The following FHAD1 variants were observed in gnomAD, a reference collection of about 807,000 sequenced individuals.
FHAD1 encodes forkhead-associated domain-containing protein 1.
In FHAD1, 146 loss-of-function variants were observed where a neutral mutation model predicts 191.3. The ratio of observed to expected loss-of-function variants is 0.76; its 90% CI spans 0.67 to 0.88. FHAD1 has a LOEUF of 0.88. Ranked by LOEUF, FHAD1 falls within the 40% of genes least tolerant of loss-of-function variation. The pLI is 0.00. For missense variants in FHAD1, 1,635 were observed against 1,785.8 expected (o/e 0.92, Z 1.52); for synonymous variants, 616 against 672.3 (o/e 0.92, Z 1.29).
At position 15,329,626 on chromosome 1, in the gene FHAD1, A is replaced by G; in HGVS notation, c.1906+85A>G. On this transcript the variant is annotated intron_variant, in intron 14 of 33. Coordinates refer to ENST00000688493, the MANE Select transcript of FHAD1 (RefSeq NM_001391957.1). The surrounding 1 kb of genome is among the most constrained non-coding windows in gnomAD (Gnocchi z 5.0). ...AGCATGATGGGACATCTGTTGAGGA[A>G]GTCTTCCTGGGTATCTGGCCAAGTC... 7.6e-7 allele frequency: 1 copy of G among 1,315,854 alleles called. No homozygotes were observed. Among genetic ancestry groups the G allele is most frequent in the Non-Finnish European group, 1.1e-6 (1 of 939,636 alleles). The allele number at this position is 1,315,854 out of a possible 1,614,324, so 81.5% of individuals were successfully genotyped here.
chr1:15,363,869 A>T (rs1472325822), intron 23 of FHAD1: 3 of 449,024 alleles, frequency 6.7e-6, no homozygotes, highest in Non-Finnish European at 1.3e-5. Flanking sequence ...AGGGATTCAG[A>T]AGCTCCCCCA....
At chr1:15,302,522 A>G (rs910563968) in intron 6 of FHAD1, among the ~76,000 whole-genome samples, 4 of 152,262 alleles carry the variant, frequency 2.6e-5, no homozygotes, top group Admixed American at 6.5e-5. Context: ...TCAGGAGATC[A>G]AGACCATCCT....
Position 15,360,342 on chromosome 1 carries a change from G to A in FHAD1, c.2737-136G>A, listed in dbSNP as rs1380739520. Reference sequence around the variant, plus strand: ...CAAGGAGCTGGGGAAGAAGTGCACAGGGCAGAGGGAACTGCATGTGCTAAG... The same window carrying A: ...CAAGGAGCTGGGGAAGAAGTGCACAAGGCAGAGGGAACTGCATGTGCTAAG... On this transcript the variant is annotated intron_variant, in intron 21 of 33. Transcript: ENST00000688493. The A allele has an allele frequency of 9.0e-5, 62 of 686,036 alleles. No homozygotes were observed. The South Asian group carries it at 1.1e-3, about 12-fold the overall frequency. The allele number at this position is 686,036 out of a possible 1,614,324, so 42.5% of individuals were successfully genotyped here. A position where few individuals can be genotyped will look rare whatever the true frequency, so the allele number is the denominator to read the frequency against.
At chr1:15,337,445 G>A (rs1684670741) in intron 14 of FHAD1, among the ~76,000 whole-genome samples, 1 of 152,178 alleles carries the variant, frequency 6.6e-6, no homozygotes, top group African/African-American at 2.4e-5. Context: ...CTGAATACCT[G>A]GGCGTCTCTC....
intron 18 of FHAD1, among the ~76,000 whole-genome samples, chr1:15,346,401 C>A (rs1035243869): frequency 6.6e-6 from 1 of 152,158 alleles, no homozygotes; most frequent in Non-Finnish European, 1.5e-5. Flanking sequence ...GAAGCCTTAC[C>A]GGGTAGCAGC....
In FHAD1 at chr1:15,323,786, A is replaced by G. The variant is rs114758356; in HGVS notation, c.1366-666A>G. On this transcript the variant is annotated intron_variant, in intron 10 of 33. Coordinates refer to ENST00000688493, the MANE Select transcript of FHAD1 (RefSeq NM_001391957.1). Reference sequence around the variant, plus strand: ...TGCCCATTACTCGAGCAAGCGGGGGAAAATGGGCAAGTTTCCCCACTTTAA... The same window carrying G: ...TGCCCATTACTCGAGCAAGCGGGGGGAAATGGGCAAGTTTCCCCACTTTAA... 5.9e-3 allele frequency among the ~76,000 whole-genome samples: 900 copies of G among 152,158 alleles called. 11 individuals are homozygous for G. The highest frequency in any genetic ancestry group is 0.021 in the African/African-American group (860 of 41,528).
At chr1:15,395,362 T>C (rs1705585595) in intron 33 of FHAD1, among the ~76,000 whole-genome samples, 1 of 149,998 alleles carries the variant, frequency 6.7e-6, no homozygotes, top group Non-Finnish European at 1.5e-5. Flanking sequence ...CCAGGCATCG[T>C]CTCTCTCGTG....
At chr1:15,384,916 G>A (rs1163809023) in intron 31 of FHAD1, among the ~76,000 whole-genome samples, 2 of 152,106 alleles carry the variant, frequency 1.3e-5, no homozygotes, top group African/African-American at 2.4e-5. Flanking sequence ...CAGTGTCACC[G>A]GGCTACTCAG....
intron 7 of FHAD1, among the ~76,000 whole-genome samples, chr1:15,309,833 G>T (rs529037177): frequency 6.6e-6 from 1 of 152,260 alleles, no homozygotes; most frequent in East Asian, 1.9e-4. Context: ...AGGTGGGAGG[G>T]GCTGTCGGGA....
intron 1 of FHAD1, among the ~76,000 whole-genome samples, chr1:15,250,304 A>T (rs563090820): frequency 6.6e-6 from 1 of 152,360 alleles, no homozygotes; most frequent in South Asian, 2.1e-4. Flanking sequence ...GAACTTTCTG[A>T]AGTCACTGAA....
At chr1:15,334,014 T>C (rs1682903716) in intron 14 of FHAD1, among the ~76,000 whole-genome samples, 1 of 151,942 alleles carries the variant, frequency 6.6e-6, no homozygotes, top group South Asian at 2.1e-4. Context: ...GTGTTTTTTG[T>C]AGAGACGCGG....
In FHAD1 at chr1:15,311,048, G is replaced by A. The variant is rs951343586; in HGVS notation, c.1040-2009G>A. ...CTATTGGCCCCAAGAAGCATGTGAC[G>A]ATGATCTGGGAGGGAGTGGAAACAA... On this transcript the variant is annotated intron_variant, in intron 7 of 33. Transcript: ENST00000688493. This position sits in a 1 kb window ranked among gnomAD's most constrained non-coding sequence, Gnocchi z 4.1. 2.0e-5 allele frequency among the ~76,000 whole-genome samples: 3 copies of A among 152,308 alleles called. No homozygotes were observed. Among genetic ancestry groups the A allele is most frequent in the South Asian group, 2.1e-4 (1 of 4,822 alleles).
In FHAD1 at chr1:15,327,223, G is replaced by A. The variant is rs1025490246; in HGVS notation, c.1557+81G>A. ...TGGATCTGGATTCCAGACCCTGGGA[G>A]CATATGTTTCTGTTTTTGTTGGTGG... On this transcript the variant is annotated intron_variant, in intron 12 of 33. Transcript: ENST00000688493. The surrounding 1 kb of genome is among the most constrained non-coding windows in gnomAD (Gnocchi z 5.1). 4.4e-6 allele frequency: 4 copies of A among 914,132 alleles called. No individual in the cohort carries two copies. The highest frequency in any genetic ancestry group is 5.1e-6 in the Non-Finnish European group (3 of 591,836). The allele number at this position is 914,132 out of a possible 1,614,324, so 56.6% of individuals were successfully genotyped here.
intron 3 of FHAD1, among the ~76,000 whole-genome samples, chr1:15,282,717 G>A (rs1661047913): frequency 6.6e-6 from 1 of 152,140 alleles, no homozygotes; most frequent in Non-Finnish European, 1.5e-5. Context: ...GATGGCTACA[G>A]ACATAAAACA....
rs1017876347 is a variant in FHAD1, at chr1:15,327,106, G to A, written c.1521G>A (p.Ala507=). 72 of 1,551,228 alleles carry A rather than the reference G, an allele frequency of 4.6e-5. No homozygotes were observed. The highest frequency in any genetic ancestry group is 3.3e-4 in the Middle Eastern group (2 of 6,014). The change falls in exon 12 of 34, where the codon GCG becomes GCA. Residue 507 remains alanine (A), a synonymous_variant. Transcript: ENST00000688493. This position sits in a 1 kb window ranked among gnomAD's most constrained non-coding sequence, Gnocchi z 5.1. The stretch of plus-strand genomic sequence containing the variant: ...TCATCAAGGCCACCTATGGACGGGC[G>A]AAGCCGTTCCGGGACAAGCCCGTCA... ...SQVIKATYGR[A]KPFRDKPVTD...
At chr1:15,374,102 T>A (rs763364323) in intron 26 of FHAD1, among the ~76,000 whole-genome samples, 1 of 152,162 alleles carries the variant, frequency 6.6e-6, no homozygotes, top group Non-Finnish European at 1.5e-5. Context: ...TAAATAATCA[T>A]CCTTATCACC....
chr1:15,245,312 G>T (rs1397628317), upstream of FHAD1, among the ~76,000 whole-genome samples: 1 of 152,040 alleles, frequency 6.6e-6, no homozygotes, highest in African/African-American at 2.4e-5. Flanking sequence ...ATGTGCTTTT[G>T]TTGTTCTTAT....
intron 22 of FHAD1, 85 bp downstream of exon 22, chr1:15,360,788 G>GA (rs1449902493): frequency 3.6e-6 from 4 of 1,109,052 alleles, no homozygotes; most frequent in Admixed American, 4.6e-5. Flanking sequence ...TGATGGCTAA[G>GA]AAAAAGGCCG....
intron 2 of FHAD1, among the ~76,000 whole-genome samples, chr1:15,270,449 A>G (rs1655418867): frequency 6.6e-6 from 1 of 152,186 alleles, no homozygotes; most frequent in Admixed American, 6.5e-5. Context: ...TTCCCTATCT[A>G]CCAAATGGGA....
Sources: allele counts gnomAD v4.1 joint callset (sites outside exome capture counted in the v4.1 genomes callset), GRCh38; gene constraint gnomAD v4.1.1; non-coding constraint Gnocchi (gnomAD v3.1); transcripts MANE v1.5; gene names NCBI Gene and HGNC (gene_info 2026-07-23, HGNC 2026-07-21).